Variants in BEND3 observed in about 807,000 individuals in gnomAD.
The protein encoded by BEND3 is BEN domain-containing protein 3.
A neutral mutation model predicts 60.1 loss-of-function variants in BEND3; 13 were observed. That is an observed-to-expected ratio of 0.22 (90% CI 0.14 to 0.34). The LOEUF (loss-of-function observed/expected upper bound fraction) is 0.34. Ranked by LOEUF, BEND3 falls within the 10% of genes least tolerant of loss-of-function variation. The pLI, the probability that BEND3 is intolerant of heterozygous loss-of-function variation, is 1.00. For synonymous variants in BEND3, 497 were observed against 491.5 expected, an observed-to-expected ratio of 1.01 and a Z score of -0.15; for missense variants, 896 against 1,138.1, an observed-to-expected ratio of 0.79 and a Z score of 3.06.
At chr6:107,113,239 C>T (rs972074591) in intron 1 of BEND3, among the ~76,000 whole-genome samples, 1 of 151,842 alleles carries the variant, frequency 6.6e-6, no homozygotes, top group Admixed American at 6.6e-5. Context: ...GTCCGGAAAC[C>T]AGCCTGGGCA....
chr6:107,106,367 C>T (rs1554237480), intron 1 of BEND3, among the ~76,000 whole-genome samples: 1 of 152,166 alleles, frequency 6.6e-6, no homozygotes, highest in Non-Finnish European at 1.5e-5. Flanking sequence ...GGCATGAGAG[C>T]TTCATTCCAG....
chr6:107,089,511 A>ATG (rs1775427386), intron 3 of BEND3, among the ~76,000 whole-genome samples: 2 of 150,132 alleles, frequency 1.3e-5, no homozygotes, highest in Non-Finnish European at 3.0e-5. Flanking sequence ...GTGTGAACCC[A>ATG]GGAGGCGGAG....
At chr6:107,073,199 ATG>A (rs1562300338) in intron 3 of BEND3, among the ~76,000 whole-genome samples, 56,073 of 88,740 alleles carry the variant, frequency 0.63, 17,728 homozygotes, top group Non-Finnish European at 0.68. Flanking sequence ...TTGTATGTGT[ATG>A]TATATATATA....
intron 3 of BEND3, among the ~76,000 whole-genome samples, chr6:107,085,658 AT>A (rs1198543108): frequency 6.6e-6 from 1 of 150,742 alleles, no homozygotes; most frequent in Non-Finnish European, 1.5e-5. Context: ...CGCCTGACTA[AT>A]TTTTTGTATT....
At chr6:107,086,999 T>G (rs311220) in intron 3 of BEND3, among the ~76,000 whole-genome samples, 45,226 of 139,446 alleles carry the variant, frequency 0.32, 7,395 homozygotes, top group Admixed American at 0.41. Context: ...TACTCCAGTT[T>G]GGGCGACAGA....
At chr6:107,100,657 C>T (rs535684075) in intron 1 of BEND3, among the ~76,000 whole-genome samples, 2 of 152,232 alleles carry the variant, frequency 1.3e-5, no homozygotes, top group Non-Finnish European at 2.9e-5. Context: ...GGAACTGACA[C>T]CATGAGGCAA....
At chr6:107,085,460 C>CT (rs1775324635) in intron 3 of BEND3, among the ~76,000 whole-genome samples, 1 of 151,866 alleles carries the variant, frequency 6.6e-6, no homozygotes, top group African/African-American at 2.4e-5. Context: ...ATCCTCTTTT[C>CT]TTTTGTTTTT....
At chr6:107,106,391 C>T (rs1453646230) in intron 1 of BEND3, among the ~76,000 whole-genome samples, 1 of 152,156 alleles carries the variant, frequency 6.6e-6, no homozygotes, top group Non-Finnish European at 1.5e-5. Context: ...TCCAAGGAAG[C>T]TGGGACTGAG....
chr6:107,068,893 A>G lies in BEND3; in HGVS notation c.2298T>C (p.Ala766=). The change falls in exon 4 of 4, where the codon GCT becomes GCC. Residue 766 remains alanine (A), a synonymous_variant. Transcript: ENST00000369042. This position sits in a 1 kb window ranked among gnomAD's most constrained non-coding sequence, Gnocchi z 5.8. The part of the protein sequence containing the change: ...NLRLQYNHSG[A]CNKKQLDPTR... Reference sequence around the variant, plus strand: ...TGGGGTCCAGTTGCTTCTTGTTGCAAGCCCCGGAATGGTTGTACTGCAGCC... The same window carrying G: ...TGGGGTCCAGTTGCTTCTTGTTGCAGGCCCCGGAATGGTTGTACTGCAGCC... The G allele has an allele frequency of 6.2e-7, 1 of 1,613,346 alleles. No homozygotes were observed. Among genetic ancestry groups the G allele is most frequent in the South Asian group, 1.1e-5 (1 of 90,992 alleles).
At chr6:107,097,790 CAAA>C (rs10674719) in intron 3 of BEND3, among the ~76,000 whole-genome samples, 4,819 of 52,952 alleles carry the variant, frequency 0.091, 48 homozygotes, top group South Asian at 0.24. Flanking sequence ...AACTCCGTCT[CAAA>C]AAAAAAAAAA....
chr6:107,072,180 C>T (rs78829000), intron 3 of BEND3, among the ~76,000 whole-genome samples: 2,363 of 152,286 alleles, frequency 0.016, 63 homozygotes, highest in African/African-American at 0.055. Context: ...GCATGTGCCT[C>T]GGGCAACTGG....
At chr6:107,090,287 C>T (rs180827489) in intron 3 of BEND3, among the ~76,000 whole-genome samples, 1 of 152,096 alleles carries the variant, frequency 6.6e-6, no homozygotes, top group Admixed American at 6.6e-5. Flanking sequence ...AGGTGGAGGT[C>T]GCACTGAGCC....
chr6:107,100,247 CATTT>C (rs1430911878), intron 1 of BEND3, among the ~76,000 whole-genome samples: 4 of 152,000 alleles, frequency 2.6e-5, no homozygotes, highest in African/African-American at 9.7e-5. Context: ...TACTTTATTT[CATTT>C]ATTTGTTTAT....
Position 107,068,689 on chromosome 6 carries a change from G to C in BEND3, c.*15C>G. ...GCCTCTGGTGACCCCGAATCTCTGG[G>C]CAGGTCACGGGCCTTCACTTCTCCA... On this transcript the variant is annotated 3_prime_UTR_variant, in exon 4 of 4. Transcript: ENST00000369042. This position sits in a 1 kb window ranked among gnomAD's most constrained non-coding sequence, Gnocchi z 5.8. 1 of 1,606,366 alleles carries C rather than the reference G, an allele frequency of 6.2e-7. No individual in the cohort carries two copies. The highest frequency in any genetic ancestry group is 8.5e-7 in the Non-Finnish European group (1 of 1,176,358).
At position 107,068,165 on chromosome 6, in the gene BEND3, G is replaced by C. The variant is rs1774870886; in HGVS notation, c.*539C>G. Reference sequence around the variant, plus strand: ...TTCCAAAATCAGATGTAAAAAACAAGGTCAGTAAAATCAGTATCCATGCCA... The same window carrying C: ...TTCCAAAATCAGATGTAAAAAACAACGTCAGTAAAATCAGTATCCATGCCA... On this transcript the variant is annotated 3_prime_UTR_variant, in exon 4 of 4. Coordinates refer to ENST00000369042, the MANE Select transcript of BEND3 (RefSeq NM_001367314.1). This position sits in a 1 kb window ranked among gnomAD's most constrained non-coding sequence, Gnocchi z 5.8. 1 of 152,656 alleles carries C rather than the reference G, an allele frequency of 6.6e-6. No individual in the cohort carries two copies. Among genetic ancestry groups the C allele is most frequent in the African/African-American group, 2.4e-5 (1 of 41,418 alleles). The allele number at this position is 152,656 out of a possible 1,614,324, so 9.5% of individuals were successfully genotyped here.
At chr6:107,092,964 T>A (rs1554235453) in intron 3 of BEND3, among the ~76,000 whole-genome samples, 2 of 152,028 alleles carry the variant, frequency 1.3e-5, no homozygotes, top group African/African-American at 4.8e-5. Context: ...AGTACAAAAC[T>A]GATGAAAGTA....
At chr6:107,073,004 T>A (rs1447160821) in intron 3 of BEND3, among the ~76,000 whole-genome samples, 1 of 151,220 alleles carries the variant, frequency 6.6e-6, no homozygotes, top group African/African-American at 2.4e-5. Context: ...AATTAATAAA[T>A]TACTTCCTAG....
intron 3 of BEND3, among the ~76,000 whole-genome samples, chr6:107,085,493 A>T (rs1554234091): frequency 2.0e-5 from 3 of 151,978 alleles, no homozygotes; most frequent in Middle Eastern, 6.8e-3. Flanking sequence ...AATTTTATTT[A>T]TTTTTTATTT....
rs141441149 is a variant in BEND3 at position 107,085,174 on chromosome 6, C to T, written c.240+13377G>A. 1.5e-3 allele frequency among the ~76,000 whole-genome samples: 229 copies of T among 152,250 alleles called. 1 individual carries two copies. The highest frequency in any genetic ancestry group is 5.0e-3 in the African/African-American group (206 of 41,538). The stretch of plus-strand genomic sequence containing the variant: ...TCTGCGGCTTCACTCCTGAAGTCAG[C>T]GAGACCACGAACCCACCGGAAGGAA... On this transcript the variant is annotated intron_variant, in intron 3 of 3. Coordinates refer to ENST00000369042, the MANE Select transcript of BEND3 (RefSeq NM_001367314.1).
Sources: gnomAD v4.1 joint callset for allele counts (sites outside exome capture counted in the v4.1 genomes callset) on GRCh38, gnomAD v4.1.1 for gene constraint, Gnocchi (gnomAD v3.1) non-coding constraint, MANE v1.5 for transcripts, NCBI Gene and HGNC (gene_info 2026-07-23, HGNC 2026-07-21) for gene names.